Variants in ABCA7 observed in about 807,000 individuals in gnomAD.
ABCA7 encodes phospholipid-transporting ATPase ABCA7.
A neutral mutation model predicts 227.6 loss-of-function variants in ABCA7; 261 were observed. The ratio of observed to expected loss-of-function variants is 1.15; its 90% CI spans 1.04 to 1.27. The LOEUF is 1.27. Among genes scored for constraint, ABCA7 ranks in the 50% most tolerant of loss-of-function variants. ABCA7 has a pLI of 0.00. For synonymous variants in ABCA7, 1,488 were observed against 1,279.7 expected (o/e 1.16, Z -3.47); for missense variants, 3,331 against 2,924.5 (o/e 1.14, Z -3.21).
Position 1,049,415 on chromosome 19 carries a change from G to A in ABCA7, c.2530G>A (p.Gly844Arg), listed in dbSNP as rs371982554. 1.9e-6 allele frequency: 3 copies of A among 1,607,166 alleles called. No homozygotes were observed. The highest frequency in any genetic ancestry group is 1.7e-5 in the Admixed American group (1 of 59,640). Residue 844 changes from glycine to arginine, a missense_variant, in exon 18 of 47, where the codon GGG (glycine) becomes AGG (arginine). Physicochemically the swap from Gly to Arg is moderately radical, Grantham distance 125. Coordinates refer to ENST00000263094, the MANE Select transcript of ABCA7 (RefSeq NM_019112.4). ...CATCACCGCCTTCCTGGGCCACAAC[G>A]GGGCCGGCAAGACCACCACCCTGTG... ...GHITAFLGHN[G>R]AGKTTTLSIL...
intron 15 of ABCA7, 26 bp from the exon 16 acceptor site, chr19:1,047,427 C>G (rs1352813533): frequency 6.5e-7 from 1 of 1,538,300 alleles, no homozygotes; most frequent in Non-Finnish European, 8.7e-7. Flanking sequence ...GCTTCGGCCG[C>G]TCACTGACCG....
rs2040891046 is a variant in ABCA7 at position 1,048,025 on chromosome 19, C to T, written c.2269+371C>T. On this transcript the variant is annotated intron_variant, in intron 16 of 46. Transcript: ENST00000263094. Reference sequence around the variant, plus strand: ...GCAATATAGTGAGACCTCATCAATACAAAAAGTTAGCTGGGCGTGGTGGCA... The same window carrying T: ...GCAATATAGTGAGACCTCATCAATATAAAAAGTTAGCTGGGCGTGGTGGCA... Among the ~76,000 whole-genome samples, 3 of 151,784 alleles carry T rather than the reference C, an allele frequency of 2.0e-5. No individual in the cohort carries two copies. In the South Asian group the frequency reaches 6.2e-4, roughly 31 times the overall value.
chr19:1,046,317 G>GC lies in ABCA7; in HGVS notation c.1534dup (p.Arg512ProfsTer252). ...TCGTGTACCTGCAAGACCTGGTGGA[G>GC]CGTGCAGCCGTCCGCGTGCTCAGCG... is the stretch of plus-strand genomic sequence containing the variant. On this transcript the variant is annotated frameshift_variant, in exon 13 of 47. Transcript: ENST00000263094. LOFTEE classifies it high-confidence loss of function. 2 of 1,604,320 alleles carry GC rather than the reference G, an allele frequency of 1.2e-6. No individual in the cohort carries two copies. The highest frequency in any genetic ancestry group is 1.7e-6 in the Non-Finnish European group (2 of 1,179,422).
chr19:1,051,832 G>C (rs1207442104), intron 21 of ABCA7, 110 bp from the exon 22 acceptor site: 1 of 1,420,976 alleles, frequency 7.0e-7, no homozygotes. Context: ...GAGGTTTTGA[G>C]GGATGAATAG....
At chr19:1,062,039 G>C in intron 41 of ABCA7, 133 bp from the exon 42 acceptor site, 1 of 1,470,162 alleles carries the variant, frequency 6.8e-7, no homozygotes, top group Non-Finnish European at 9.2e-7. Flanking sequence ...TCCCACACGC[G>C]GACCAGGCCC....
At position 1,055,177 on chromosome 19, in the gene ABCA7, C is replaced by G; in HGVS notation, c.4031C>G (p.Ala1344Gly). The change falls in exon 30 of 47, where the codon GCC (alanine) becomes GGC (glycine). Residue 1344 changes from alanine (A) to glycine (G), a missense_variant. Physicochemically the swap from Ala to Gly is moderately conservative, Grantham distance 60. Coordinates refer to ENST00000263094, the MANE Select transcript of ABCA7 (RefSeq NM_019112.4). Reference sequence around the variant, plus strand: ...TGGACCCCAGAGTCTCCATCCCCAGCCTGCCAGTGTAGCCGGCCCGGTGCC... The same window carrying G: ...TGGACCCCAGAGTCTCCATCCCCAGGCTGCCAGTGTAGCCGGCCCGGTGCC... ...GNWTPESPSP[A>G]CQCSRPGARR... 6.2e-7 allele frequency: 1 copy of G among 1,612,632 alleles called. No homozygotes were observed. Among genetic ancestry groups the G allele is most frequent in the Non-Finnish European group, 8.5e-7 (1 of 1,179,818 alleles).
chr19:1,053,715 G>A lies in ABCA7; in HGVS notation c.3424-73G>A, dbSNP rs2041989977. On this transcript the variant is annotated intron_variant, in intron 24 of 46. Transcript: ENST00000263094. Reference sequence around the variant, plus strand: ...GGCCTGGGGGACCCATGGTGTAGGAGGGGTGGGGGGCTCACAAGCCCCCAG... The same window carrying A: ...GGCCTGGGGGACCCATGGTGTAGGAAGGGTGGGGGGCTCACAAGCCCCCAG... 3.8e-6 allele frequency: 6 copies of A among 1,563,058 alleles called. No homozygotes were observed. The African/African-American group carries it at 6.8e-5, about 18-fold the overall frequency.
intron 13 of ABCA7, 86 bp downstream of exon 13, chr19:1,046,492 C>T: frequency 1.3e-6 from 2 of 1,490,816 alleles, no homozygotes; most frequent in East Asian, 2.3e-5. Flanking sequence ...TGGGAACCTT[C>T]CTGCGGTCCA....
chr19:1,049,018 G>A lies in ABCA7; in HGVS notation c.2380+13G>A, dbSNP rs2041077764. On this transcript the variant is annotated intron_variant, in intron 17 of 46. Transcript: ENST00000263094. Reference sequence around the variant, plus strand: ...CTGGACCCAAAGGGTGAGGCACTACGAGGCTTAATAGCTGGTTGTCCACAT... The same window carrying A: ...CTGGACCCAAAGGGTGAGGCACTACAAGGCTTAATAGCTGGTTGTCCACAT... The A allele has an allele frequency of 4.0e-6, 6 of 1,492,632 alleles. No homozygotes were observed. Among genetic ancestry groups the A allele is most frequent in the South Asian group, 1.2e-5 (1 of 82,152 alleles). 92.5% of individuals were successfully genotyped at this position (1,492,632 alleles called of 1,614,324 possible).
intron 41 of ABCA7, 48 bp downstream of exon 41, chr19:1,061,936 G>A (rs757871600): frequency 4.7e-5 from 71 of 1,512,896 alleles, no homozygotes; most frequent in South Asian, 2.1e-4. Context: ...TGGCCCTGAC[G>A]TCCTTGTGCT....
chr19:1,055,578 T>C (rs1460145714), intron 30 of ABCA7, among the ~76,000 whole-genome samples: 2 of 147,578 alleles, frequency 1.4e-5, no homozygotes, highest in South Asian at 2.2e-4. Flanking sequence ...TCTCAGCTCA[T>C]TGCAACCTCC....
intron 40 of ABCA7, among the ~76,000 whole-genome samples, chr19:1,059,613 G>C (rs895388573): frequency 6.7e-6 from 1 of 149,776 alleles, no homozygotes; most frequent in African/African-American, 2.5e-5. Context: ...GCCCAGGCTG[G>C]AGTGCAGTGG....
At chr19:1,047,086 C>T in intron 14 of ABCA7, 62 bp downstream of exon 14, 5 of 1,551,982 alleles carry the variant, frequency 3.2e-6, no homozygotes, top group Non-Finnish European at 3.5e-6. Context: ...CAGACAGGGG[C>T]GGCCCCACGT....
At chr19:1,044,963 C>T (rs1429690960) in intron 11 of ABCA7, 39 bp from the exon 12 acceptor site, 2 of 1,600,624 alleles carry the variant, frequency 1.2e-6, no homozygotes, top group Non-Finnish European at 8.5e-7. Context: ...AGGAGGCAGG[C>T]GGACCCCAGC....
chr19:1,063,477 C>A (rs1001596874), intron 42 of ABCA7, 67 bp from the exon 43 acceptor site: 6 of 1,569,538 alleles, frequency 3.8e-6, no homozygotes, highest in Non-Finnish European at 5.2e-6. Flanking sequence ...CTGGCCCCGC[C>A]ACACTGTGGC....
At position 1,059,030 on chromosome 19, in the gene ABCA7, G is replaced by A. The variant is rs143615723; in HGVS notation, c.5408G>A (p.Arg1803His). Reference sequence around the variant, plus strand: ...AGACCTGCACTCTCCCAGGTATACCGTGGGCAGAGGATGCCAGCTGTTGAC... The same window carrying A: ...AGACCTGCACTCTCCCAGGTATACCATGGGCAGAGGATGCCAGCTGTTGAC... ...LVLRNLTKVY[R>H]GQRMPAVDRL... Residue 1803 changes from arginine to histidine, a missense_variant, in exon 40 of 47, where the codon CGT becomes CAT. Coordinates refer to ENST00000263094, the MANE Select transcript of ABCA7 (RefSeq NM_019112.4). The A allele has an allele frequency of 1.1e-4, 171 of 1,613,890 alleles. No individual in the cohort carries two copies. The highest frequency in any genetic ancestry group is 7.8e-4 in the South Asian group (71 of 91,060).
rs756391896 is a variant in ABCA7, at chr19:1,047,646, T to G, written c.2261T>G (p.Val754Gly). The G allele has an allele frequency of 1.9e-6, 3 of 1,594,850 alleles. No individual in the cohort carries two copies. The highest frequency in any genetic ancestry group is 2.6e-6 in the Non-Finnish European group (3 of 1,175,512). The change falls in exon 16 of 47, where the codon GTG (valine) becomes GGG (glycine). Residue 754 changes from valine to glycine, a missense_variant. Transcript: ENST00000263094. ...YGLATWYLEA[V>G]CPGQYGIPEP... ...CTCGCCACCTGGTACCTGGAAGCTG[T>G]GTGCCCAGGTGGGCCGTAGGGGGCG...
chr19:1,060,207 A>ATATATATATTTTT, intron 40 of ABCA7, among the ~76,000 whole-genome samples: 21 of 96,864 alleles, frequency 2.2e-4, no homozygotes, highest in African/African-American at 7.3e-4. Context: ...ATATATATAT[A>ATATATATATTTTT]TTTTTTTTTC....
rs767063313 is a variant in ABCA7 at position 1,043,450 on chromosome 19, T to C, written c.907T>C (p.Phe303Leu). Residue 303 changes from phenylalanine to leucine, a missense_variant, in exon 9 of 47, where the codon TTT becomes CTT. Physicochemically the swap from Phe to Leu is conservative, Grantham distance 22. Coordinates refer to ENST00000263094, the MANE Select transcript of ABCA7 (RefSeq NM_019112.4). The part of the protein sequence containing the change: ...GKLLFAPDTP[F>L]TRKLMAQVNR... ...GCTACTCTTTGCACCAGATACACCT[T>C]TTACCCGGAAGCTCATGGCCCAGGT... The C allele has an allele frequency of 6.2e-7, 1 of 1,613,266 alleles. No homozygotes were observed. The highest frequency in any genetic ancestry group is 8.5e-7 in the Non-Finnish European group (1 of 1,179,992).
Sources: allele counts gnomAD v4.1 joint callset (sites outside exome capture counted in the v4.1 genomes callset), GRCh38; gene constraint gnomAD v4.1.1; transcripts MANE v1.5; gene names NCBI Gene and HGNC (gene_info 2026-07-23, HGNC 2026-07-21).